The following TRIM37 variants were observed in gnomAD, a reference collection of about 807,000 sequenced individuals.
TRIM37 encodes tripartite motif containing 37.
In TRIM37, 80 loss-of-function variants were observed where a neutral mutation model predicts 129.8. The ratio of observed to expected loss-of-function variants is 0.62; its 90% CI spans 0.51 to 0.74. The LOEUF (loss-of-function observed/expected upper bound fraction) is 0.74, where lower values mean the gene tolerates loss of function less well. Among genes scored for constraint, TRIM37 ranks in the 30% least tolerant of loss-of-function variants. The pLI is 0.00. For missense variants in TRIM37, 1,054 were observed against 1,176.5 expected, an observed-to-expected ratio of 0.90 and a Z score of 1.52; for synonymous variants, 389 against 387.1, an observed-to-expected ratio of 1.00 and a Z score of -0.06.
Position 59,015,710 on chromosome 17 carries a change from C to T in TRIM37, c.2476G>A (p.Glu826Lys). 1.2e-6 allele frequency: 2 copies of T among 1,614,134 alleles called. No homozygotes were observed. Among genetic ancestry groups the T allele is most frequent in the South Asian group, 1.1e-5 (1 of 91,076 alleles). The change falls in exon 21 of 24, where the codon GAA becomes AAA. Residue 826 changes from glutamate (E) to lysine (K), a missense_variant. Transcript: ENST00000262294. The stretch of plus-strand genomic sequence containing the variant: ...TCCAAAGCTTTACACTGCCGGTCTT[C>T]AGTTTTTGGCAGAATATCACCGATA... ...GSIGDILPKTEDRQCKALDSD... is the reference protein window; with the variant it reads ...GSIGDILPKTKDRQCKALDSD...
At chr17:59,005,534 C>T (rs1011703665) in intron 22 of TRIM37, among the ~76,000 whole-genome samples, 4 of 152,152 alleles carry the variant, frequency 2.6e-5, no homozygotes, top group Non-Finnish European at 5.9e-5. Flanking sequence ...CTACCCGCTT[C>T]GGCCTCCCAA....
intron 17 of TRIM37, among the ~76,000 whole-genome samples, chr17:59,035,764 C>A (rs2038401159): frequency 6.8e-6 from 1 of 146,184 alleles, no homozygotes; most frequent in African/African-American, 2.7e-5. Context: ...AACAAAAAAC[C>A]AAAAAAACAA....
Position 59,061,108 on chromosome 17 carries a change from C to G in TRIM37, c.943G>C (p.Asp315His), listed in dbSNP as rs1223566004. 2 of 1,613,036 alleles carry G rather than the reference C, an allele frequency of 1.2e-6. No individual in the cohort carries two copies. The highest frequency in any genetic ancestry group is 2.2e-5 in the East Asian group (1 of 44,758). ...GLCWRLKVYP[D>H]GNGVVRGYYL... ...TAACCTCGCACAACTCCATTTCCAT[C>G]CTAAAAGAAGAATAATCAGTTTGAG... is the stretch of plus-strand genomic sequence containing the variant. Residue 315 changes from aspartate (D) to histidine (H), a missense_variant and splice_region_variant, in exon 12 of 24, where the codon GAT becomes CAT. Physicochemically the swap from Asp to His is moderately conservative, Grantham distance 81. This residue lies in a region of TRIM37 where 752 missense variants were observed against 870.8 expected (regional missense o/e 0.86). Transcript: ENST00000262294.
chr17:59,081,956 A>T (rs1413402397), intron 5 of TRIM37, among the ~76,000 whole-genome samples: 11 of 118,384 alleles, frequency 9.3e-5, no homozygotes, highest in East Asian at 9.0e-4. Context: ...AAAAAAATAA[A>T]AAAAAAAAAA....
chr17:59,016,183 CAGG>C (rs1313287377), intron 20 of TRIM37, among the ~76,000 whole-genome samples: 2 of 151,926 alleles, frequency 1.3e-5, no homozygotes, highest in Non-Finnish European at 1.5e-5. Flanking sequence ...CACCTGAGGT[CAGG>C]AGTTCAAGAC....
chr17:59,012,405 G>C lies in TRIM37; in HGVS notation c.2618C>G (p.Thr873Ser). 1 of 1,611,972 alleles carries C rather than the reference G, an allele frequency of 6.2e-7. No individual in the cohort carries two copies. The highest frequency in any genetic ancestry group is 8.5e-7 in the Non-Finnish European group (1 of 1,179,900). Residue 873 changes from threonine (T) to serine (S), a missense_variant, in exon 22 of 24, where the codon ACT becomes AGT. Coordinates refer to ENST00000262294, the MANE Select transcript of TRIM37 (RefSeq NM_015294.6). ...AGTTTCAGAATTATTTTCCAAATCAGTCATCTGCAGTCCTTCCAGATGACC... is the reference window on the plus strand; with the variant it reads ...AGTTTCAGAATTATTTTCCAAATCACTCATCTGCAGTCCTTCCAGATGACC... ...KGGHLEGLQM[T>S]DLENNSETGE... is the part of the protein sequence containing the mutation.
chr17:59,081,937 C>CAA (rs1157296161), intron 5 of TRIM37, among the ~76,000 whole-genome samples: 50 of 48,912 alleles, frequency 1.0e-3, no homozygotes, highest in African/African-American at 3.3e-3. Context: ...TAATAAAAAC[C>CAA]AAAAAAAAAA....
chr17:59,003,390 G>T (rs892847485), intron 22 of TRIM37, among the ~76,000 whole-genome samples: 2 of 152,088 alleles, frequency 1.3e-5, no homozygotes, highest in Non-Finnish European at 2.9e-5. Context: ...AATTGTTCAG[G>T]AGCTAGTGTT....
At chr17:58,993,081 G>GT (rs1297783897) in intron 24 of TRIM37, among the ~76,000 whole-genome samples, 1 of 152,158 alleles carries the variant, frequency 6.6e-6, no homozygotes, top group African/African-American at 2.4e-5. Flanking sequence ...TTCCTGTGCT[G>GT]TTTTTGTAAT....
chr17:59,102,281 GGAA>G (rs1568268613), intron 2 of TRIM37, among the ~76,000 whole-genome samples: 1 of 152,142 alleles, frequency 6.6e-6, no homozygotes, highest in African/African-American at 2.4e-5. Context: ...AGGGGCAGGA[GGAA>G]GAAGATGTAA....
chr17:59,015,722 G>C lies in TRIM37; in HGVS notation c.2464C>G (p.Leu822Val), dbSNP rs753587505. 1.9e-6 allele frequency: 3 copies of C among 1,614,116 alleles called. No homozygotes were observed. Among genetic ancestry groups the C allele is most frequent in the Non-Finnish European group, 2.5e-6 (3 of 1,180,020 alleles). ...CACTGCCGGTCTTCAGTTTTTGGCA[G>C]AATATCACCGATACTGCCATGTATC... ...ALIHGSIGDILPKTEDRQCKA... is the reference protein window; with the variant it reads ...ALIHGSIGDIVPKTEDRQCKA... Residue 822 changes from leucine to valine, a missense_variant, in exon 21 of 24, where the codon CTG (leucine) becomes GTG (valine). Around this residue, in one of 3 missense-constraint regions of TRIM37, gnomAD observed 287 missense variants for 274.3 expected, o/e 1.05. Transcript: ENST00000262294.
At chr17:58,970,632 C>G in the TRIM37 span, among the ~76,000 whole-genome samples, 4 of 152,086 alleles carry the variant, frequency 2.6e-5, no homozygotes, top group Non-Finnish European at 5.9e-5. Flanking sequence ...TAACTCAGAC[C>G]TATTTGGTAT....
intron 12 of TRIM37, among the ~76,000 whole-genome samples, chr17:59,058,167 A>T (rs774825188): frequency 9.9e-5 from 15 of 152,248 alleles, no homozygotes; most frequent in Non-Finnish European, 2.2e-4. Context: ...AAGGCTATAA[A>T]ATTTCCTAAT....
chr17:59,070,879 AAC>A lies in TRIM37; in HGVS notation c.751_752del (p.Val251SerfsTer20). ...SSEILMMFQQ[V>X]HRKPMASFVT... ...CAAAAGATGCCATGGGCTTCCGATG[AAC>A]TTGCTGAAACATCATAAGGATCTCT... On this transcript the variant is annotated frameshift_variant, in exon 9 of 24. Transcript: ENST00000262294. LOFTEE classifies it high-confidence loss of function. The A allele has an allele frequency of 6.2e-7, 1 of 1,614,158 alleles. No individual in the cohort carries two copies. The highest frequency in any genetic ancestry group is 8.5e-7 in the Non-Finnish European group (1 of 1,179,990).
At chr17:59,072,609 G>A (rs940921002) in intron 8 of TRIM37, among the ~76,000 whole-genome samples, 5 of 151,936 alleles carry the variant, frequency 3.3e-5, no homozygotes, top group African/African-American at 1.2e-4. Context: ...TTAGCTGGGC[G>A]TGGTGGCACG....
At position 59,081,088 on chromosome 17, in the gene TRIM37, T is replaced by G; in HGVS notation, c.492+9A>C. On this transcript the variant is annotated intron_variant, in intron 6 of 23. Transcript: ENST00000262294. ...AAACAAAATAATTATATTTTAGTAGTAGTCTTACCACTTCTTGAACTAAGC... is the reference window on the plus strand; with the variant it reads ...AAACAAAATAATTATATTTTAGTAGGAGTCTTACCACTTCTTGAACTAAGC... The G allele has an allele frequency of 1.9e-6, 3 of 1,589,668 alleles. No individual in the cohort carries two copies. Among genetic ancestry groups the G allele is most frequent in the Non-Finnish European group, 2.6e-6 (3 of 1,163,506 alleles).
intron 17 of TRIM37, among the ~76,000 whole-genome samples, chr17:59,037,972 A>C (rs1026239621): frequency 1.3e-5 from 2 of 152,244 alleles, no homozygotes; most frequent in Non-Finnish European, 2.9e-5. Context: ...CCTCATGATT[A>C]GATTGTGTTT....
chr17:59,102,570 T>C (rs975739787), intron 2 of TRIM37, among the ~76,000 whole-genome samples: 2 of 152,228 alleles, frequency 1.3e-5, no homozygotes, highest in African/African-American at 4.8e-5. Context: ...CCTTAGGTTA[T>C]CTCATTTAAT....
At chr17:58,980,100 C>T, downstream of TRIM37, 1 of 1,614,092 alleles carries the variant, frequency 6.2e-7, no homozygotes, top group South Asian at 1.1e-5. This position sits in a 1 kb window ranked among gnomAD's most constrained non-coding sequence, Gnocchi z 4.7. Context: ...CCTGATGAGG[C>T]AGTGAAAGTT....
Sources: gnomAD v4.1 joint callset for allele counts (sites outside exome capture counted in the v4.1 genomes callset) on GRCh38, gnomAD v4.1.1 for gene constraint, gnomAD v4.1.1 regional missense constraint, Gnocchi (gnomAD v3.1) non-coding constraint, MANE v1.5 for transcripts, NCBI Gene and HGNC (gene_info 2026-07-23, HGNC 2026-07-21) for gene names.